The following DNMT3A variants were observed in gnomAD, a reference collection of about 807,000 sequenced individuals.
DNMT3A encodes the protein DNA (cytosine-5)-methyltransferase 3A.
Under a neutral mutation model 117.6 loss-of-function variants are expected in DNMT3A, and 267 were observed. The ratio of observed to expected loss-of-function variants is 2.27; its 90% CI spans 2.05 to 2.51. The LOEUF (loss-of-function observed/expected upper bound fraction) is 2.51, where lower values mean the gene tolerates loss of function less well. Ranked by LOEUF, DNMT3A falls within the 30% of genes most tolerant of loss-of-function variation. The pLI is 0.00. For synonymous variants in DNMT3A, 432 were observed against 474.8 expected, an observed-to-expected ratio of 0.91 and a Z score of 1.17; for missense variants, 1,029 against 1,260.2, an observed-to-expected ratio of 0.82 and a Z score of 2.78.
rs1282995033 is a variant in DNMT3A, at chr2:25,236,852, G to A, written c.2478+84C>T. The A allele has an allele frequency of 7.0e-7, 1 of 1,421,624 alleles. No homozygotes were observed. The highest frequency in any genetic ancestry group is 2.1e-5 in the Admixed American group (1 of 47,214). 88.1% of individuals were successfully genotyped at this position (1,421,624 alleles called of 1,614,324 possible). A position where few individuals can be genotyped will look rare whatever the true frequency, so the allele number is the denominator to read the frequency against. Reference sequence around the variant, plus strand: ...CCACACTAGCTGGAGAAGCAGGCGGGACAAGGCCCTGGCCACCGCTCCACC... The same window carrying A: ...CCACACTAGCTGGAGAAGCAGGCGGAACAAGGCCCTGGCCACCGCTCCACC... On this transcript the variant is annotated intron_variant, in intron 21 of 22. Transcript: ENST00000321117. The surrounding 1 kb of genome is among the most constrained non-coding windows in gnomAD (Gnocchi z 4.5).
chr2:25,240,423 AACTC>A lies in DNMT3A; in HGVS notation c.2197_2200del (p.Glu733SerfsTer45). ...CCGCGCATCATGCAGGAGGCGGTAGAACTCAAAGAAGAGCCGGCCAGTGCCCTCT... is the reference window on the plus strand; with the variant it reads ...CCGCGCATCATGCAGGAGGCGGTAGAAAAGAAGAGCCGGCCAGTGCCCTCT... On this transcript the variant is annotated frameshift_variant, in exon 19 of 23. Transcript: ENST00000321117. LOFTEE classifies it high-confidence loss of function. The A allele has an allele frequency of 6.2e-7, 1 of 1,612,110 alleles. No individual in the cohort carries two copies. The highest frequency in any genetic ancestry group is 8.5e-7 in the Non-Finnish European group (1 of 1,179,068).
chr2:25,274,825 A>G, intron 6 of DNMT3A, 116 bp downstream of exon 6: 1 of 1,443,746 alleles, frequency 6.9e-7, no homozygotes, highest in Non-Finnish European at 9.2e-7. Flanking sequence ...ATGACTAGAG[A>G]TTAAGAGGCT....
At chr2:25,319,817 TG>T (rs1029472833) in intron 1 of DNMT3A, among the ~76,000 whole-genome samples, 1 of 151,936 alleles carries the variant, frequency 6.6e-6, no homozygotes, top group Non-Finnish European at 1.5e-5. Flanking sequence ...TAGCCCAGGC[TG>T]GAGTGCAGTG....
intron 3 of DNMT3A, among the ~76,000 whole-genome samples, chr2:25,291,431 G>A (rs1007985606): frequency 5.3e-5 from 8 of 152,238 alleles, no homozygotes; most frequent in African/African-American, 1.9e-4. Flanking sequence ...GCCCACTCCA[G>A]GAGGGGCCAG....
Position 25,304,420 on chromosome 2 carries a change from C to T in DNMT3A, c.73-4177G>A, listed in dbSNP as rs1473502832. On this transcript the variant is annotated intron_variant, in intron 2 of 22. Coordinates refer to ENST00000321117, the MANE Select transcript of DNMT3A (RefSeq NM_022552.5). This position sits in a 1 kb window ranked among gnomAD's most constrained non-coding sequence, Gnocchi z 4.3. Reference sequence around the variant, plus strand: ...CCCGCTCCACACATCCTGATTCGTACTTCACTCCCACTCCATCCTCCCCAT... The same window carrying T: ...CCCGCTCCACACATCCTGATTCGTATTTCACTCCCACTCCATCCTCCCCAT... Among the ~76,000 whole-genome samples, 1 of 152,202 alleles carries T rather than the reference C, an allele frequency of 6.6e-6. No individual in the cohort carries two copies. The highest frequency in any genetic ancestry group is 6.5e-5 in the Admixed American group (1 of 15,280).
chr2:25,323,403 C>T (rs1212819906), intron 1 of DNMT3A, among the ~76,000 whole-genome samples: 4 of 152,120 alleles, frequency 2.6e-5, no homozygotes, highest in African/African-American at 4.8e-5. Context: ...TGGTTGACAC[C>T]CTCCTGACCT....
chr2:25,246,803 G>T, intron 9 of DNMT3A, 27 bp from the exon 10 acceptor site: 3 of 1,610,062 alleles, frequency 1.9e-6, no homozygotes, highest in Non-Finnish European at 2.5e-6. Flanking sequence ...CAGGGTTGGG[G>T]TTGTCAGGAC....
In DNMT3A at chr2:25,252,281, GA is replaced by G. The variant is rs2149326487; in HGVS notation, c.640-4030del. On this transcript the variant is annotated intron_variant, in intron 6 of 22. Coordinates refer to ENST00000321117, the MANE Select transcript of DNMT3A (RefSeq NM_022552.5). This position sits in a 1 kb window ranked among gnomAD's most constrained non-coding sequence, Gnocchi z 5.5. ...CTGGAAGTAGCTGCCCGTCTTGGGG[GA>G]GGGGAAGGGGGCGATGGGGCTGGGG... 7.3e-7 allele frequency: 1 copy of G among 1,361,420 alleles called. No individual in the cohort carries two copies. The highest frequency in any genetic ancestry group is 9.9e-7 in the Non-Finnish European group (1 of 1,012,410). 84.3% of individuals were successfully genotyped at this position (1,361,420 alleles called of 1,614,324 possible). A position where few individuals can be genotyped will look rare whatever the true frequency, so the allele number is the denominator to read the frequency against.
At chr2:25,332,888 G>T (rs1234992571) in intron 1 of DNMT3A, among the ~76,000 whole-genome samples, 1 of 152,244 alleles carries the variant, frequency 6.6e-6, no homozygotes, top group Non-Finnish European at 1.5e-5. Flanking sequence ...CCGGGCTGTG[G>T]TCTAGACCCT....
intron 4 of DNMT3A, among the ~76,000 whole-genome samples, chr2:25,278,046 C>CACAAACAG: frequency 7.6e-6 from 1 of 132,342 alleles, no homozygotes; most frequent in Admixed American, 7.9e-5. Context: ...CACAGACACA[C>CACAAACAG]ACGCTTTCCA....
At chr2:25,309,824 CG>C (rs2034005270) in intron 2 of DNMT3A, among the ~76,000 whole-genome samples, 1 of 151,952 alleles carries the variant, frequency 6.6e-6, no homozygotes, top group Admixed American at 6.6e-5. Context: ...GAGGCCGAGG[CG>C]GGTGGATCAT....
chr2:25,254,427 C>T lies in DNMT3A; in HGVS notation c.640-6175G>A, dbSNP rs188043543. On this transcript the variant is annotated intron_variant, in intron 6 of 22. Transcript: ENST00000321117. This position sits in a 1 kb window ranked among gnomAD's most constrained non-coding sequence, Gnocchi z 4.7. ...AGAAGACTTGGGTACAGACTCCCCC[C>T]CAACCCTGAGACCCAGAATCCATAC... Among the ~76,000 whole-genome samples the T allele has an allele frequency of 2.0e-5, 3 of 152,130 alleles. No individual in the cohort carries two copies. Among genetic ancestry groups the T allele is most frequent in the Admixed American group, 6.5e-5 (1 of 15,274 alleles).
Position 25,313,905 on chromosome 2 carries a change from C to A in DNMT3A, c.72+8G>T, listed in dbSNP as rs766477602. 1.3e-6 allele frequency: 2 copies of A among 1,549,282 alleles called. No homozygotes were observed. Among genetic ancestry groups the A allele is most frequent in the South Asian group, 1.2e-5 (1 of 83,974 alleles). On this transcript the variant is annotated splice_region_variant and intron_variant, in intron 2 of 22. Coordinates refer to ENST00000321117, the MANE Select transcript of DNMT3A (RefSeq NM_022552.5). ...GCCAGAGGGTCCCCAGCAGAGCCCG[C>A]TGCTCACCTTTCGGTCCTCCTCCCG...
chr2:25,288,205 C>T (rs60537173), intron 3 of DNMT3A, among the ~76,000 whole-genome samples: 7 of 147,114 alleles, frequency 4.8e-5, no homozygotes, highest in East Asian at 2.2e-4. Context: ...GCGGCTGAGG[C>T]GGGTGGATCA....
chr2:25,275,814 G>A (rs2031364085), intron 4 of DNMT3A, among the ~76,000 whole-genome samples: 1 of 152,212 alleles, frequency 6.6e-6, no homozygotes, highest in African/African-American at 2.4e-5. Flanking sequence ...ATTCAGAGCT[G>A]GGTTTCTGGC....
At chr2:25,267,165 A>G (rs1158919808) in intron 6 of DNMT3A, among the ~76,000 whole-genome samples, 1 of 152,230 alleles carries the variant, frequency 6.6e-6, no homozygotes, top group East Asian at 1.9e-4. Context: ...GTGTAAAAAG[A>G]ACAGGAAAAA....
Position 25,234,568 on chromosome 2 carries a change from G to T in DNMT3A, c.2598-148C>A, listed in dbSNP as rs1004844465. On this transcript the variant is annotated intron_variant, in intron 22 of 22. Transcript: ENST00000321117. This position sits in a 1 kb window ranked among gnomAD's most constrained non-coding sequence, Gnocchi z 4.5. ...ACTCACACCCACCAACTCCTCTGACGCCTGCTTAGTTCTGCCGAATCTTCT... is the reference window on the plus strand; with the variant it reads ...ACTCACACCCACCAACTCCTCTGACTCCTGCTTAGTTCTGCCGAATCTTCT... 2.0e-5 allele frequency: 18 copies of T among 885,640 alleles called. No individual in the cohort carries two copies. The highest frequency in any genetic ancestry group is 2.5e-5 in the Non-Finnish European group (15 of 603,722). 54.9% of individuals were successfully genotyped at this position (885,640 alleles called of 1,614,324 possible).
intron 20 of DNMT3A, among the ~76,000 whole-genome samples, chr2:25,238,548 T>C (rs983424216): frequency 1.1e-4 from 16 of 152,236 alleles, no homozygotes; most frequent in African/African-American, 3.9e-4. Context: ...AGCCTTTTTA[T>C]AATGCCAGTT....
At position 25,234,635 on chromosome 2, in the gene DNMT3A, G is replaced by A. The variant is rs1420643201; in HGVS notation, c.2598-215C>T. Among the ~76,000 whole-genome samples, 2 of 152,206 alleles carry A rather than the reference G, an allele frequency of 1.3e-5. No individual in the cohort carries two copies. The highest frequency in any genetic ancestry group is 4.8e-5 in the African/African-American group (2 of 41,434). On this transcript the variant is annotated intron_variant, in intron 22 of 22. Transcript: ENST00000321117. The surrounding 1 kb of genome is among the most constrained non-coding windows in gnomAD (Gnocchi z 4.5). Reference sequence around the variant, plus strand: ...CCGGCACTCAGATCACCAACCATGTGCCAGGCACTGTGCTGGTTTCTGTGA... The same window carrying A: ...CCGGCACTCAGATCACCAACCATGTACCAGGCACTGTGCTGGTTTCTGTGA...
Sources: gnomAD v4.1 joint callset for allele counts (sites outside exome capture counted in the v4.1 genomes callset) on GRCh38, gnomAD v4.1.1 for gene constraint, Gnocchi (gnomAD v3.1) non-coding constraint, MANE v1.5 for transcripts, NCBI Gene and HGNC (gene_info 2026-07-23, HGNC 2026-07-21) for gene names.